Variants in GAS6 observed in about 807,000 individuals in gnomAD.
The protein encoded by GAS6 is growth arrest specific 6.
A neutral mutation model predicts 75.8 loss-of-function variants in GAS6; 41 were observed. That is an observed-to-expected ratio of 0.54 (90% CI 0.42 to 0.70). GAS6 has a LOEUF of 0.70. Among genes scored for constraint, GAS6 ranks in the 30% least tolerant of loss-of-function variants. The probability of loss-of-function intolerance (pLI) is 0.00; values close to 1 mark genes in which losing one functional copy is unlikely to be tolerated. For synonymous variants in GAS6, 432 were observed against 412.6 expected (o/e 1.05, Z -0.57); for missense variants, 854 against 940.2 (o/e 0.91, Z 1.20).
intron 4 of GAS6, chr13:113,842,989 TC>T (rs1349668506): frequency 1.0e-5 from 4 of 395,500 alleles, no homozygotes; most frequent in Non-Finnish European, 1.8e-5. Context: ...TTTGTTTATT[TC>T]CCTGTTGGGA....
intron 2 of GAS6, among the ~76,000 whole-genome samples, chr13:113,851,299 ATGAG>A (rs528931165): frequency 8.6e-5 from 13 of 151,560 alleles, no homozygotes; most frequent in South Asian, 2.1e-4. Flanking sequence ...GAGTGGGTGG[ATGAG>A]TGAGTGGCCA....
At chr13:113,828,091 G>A (rs560322670) in intron 11 of GAS6, among the ~76,000 whole-genome samples, 8 of 152,178 alleles carry the variant, frequency 5.3e-5, no homozygotes, top group East Asian at 1.9e-4. Context: ...GCGAAACCCC[G>A]TCTCTACTAA....
intron 2 of GAS6, among the ~76,000 whole-genome samples, chr13:113,850,004 G>C (rs886587460): frequency 2.6e-5 from 4 of 152,086 alleles, no homozygotes; most frequent in Admixed American, 2.6e-4. Flanking sequence ...AGAACATTCT[G>C]GTACACACTC....
chr13:113,835,715 C>G (rs1041324818), intron 6 of GAS6, 80 bp from the exon 7 acceptor site: 3 of 1,555,240 alleles, frequency 1.9e-6, no homozygotes, highest in Non-Finnish European at 2.6e-6. Flanking sequence ...CAGGGACTGG[C>G]CAGGGCACCA....
Position 113,863,747 on chromosome 13 carries a change from C to G in GAS6, c.89-6G>C, listed in dbSNP as rs1210519913. On this transcript the variant is annotated splice_polypyrimidine_tract_variant and splice_region_variant and intron_variant, in intron 1 of 14. Transcript: ENST00000327773. This position sits in a 1 kb window ranked among gnomAD's most constrained non-coding sequence, Gnocchi z 9.4. ...GCGCGCCGGCAACAGCGCGGCTGCC[C>G]GGAGGGAGAGAGGGGGACGCGTCAA... 10 of 1,487,342 alleles carry G rather than the reference C, an allele frequency of 6.7e-6. No homozygotes were observed. The highest frequency in any genetic ancestry group is 1.3e-5 in the South Asian group (1 of 79,318). 92.1% of individuals were successfully genotyped at this position (1,487,342 alleles called of 1,614,324 possible).
chr13:113,836,060 T>A (rs1220975291), intron 6 of GAS6: 1 of 995,976 alleles, frequency 1.0e-6, no homozygotes, highest in Non-Finnish European at 1.2e-6. Context: ...ACTACCGGGT[T>A]AAACCACAAT....
chr13:113,824,721 C>T (rs2051511985), intron 12 of GAS6, among the ~76,000 whole-genome samples: 3 of 151,994 alleles, frequency 2.0e-5, no homozygotes, highest in African/African-American at 7.3e-5. Context: ...GCTGTGTACG[C>T]CTGAAACCCA....
chr13:113,835,564 A>C lies in GAS6; in HGVS notation c.661T>G (p.Cys221Gly), dbSNP rs367722427. The C allele has an allele frequency of 6.2e-7, 1 of 1,612,468 alleles. No homozygotes were observed. The highest frequency in any genetic ancestry group is 1.3e-5 in the African/African-American group (1 of 74,910). Residue 221 changes from cysteine (C) to glycine (G), a missense_variant, in exon 7 of 15, where the codon TGC (cysteine) becomes GGC (glycine). By Grantham distance (159) the Cys-to-Gly change is radical. Transcript: ENST00000327773. ...TACGCAAAGCCCTCGTCACAGAGGC[A>C]GGAGTAGGAGCCGGGCAGGTTCTTG... ...RCKNLPGSYS[C>G]LCDEGFAYSS... is the part of the protein sequence containing the mutation.
rs1226954630 is a variant in GAS6, at chr13:113,848,721, G to A, written c.256-671C>T. On this transcript the variant is annotated intron_variant, in intron 2 of 14. Coordinates refer to ENST00000327773, the MANE Select transcript of GAS6 (RefSeq NM_000820.4). The surrounding 1 kb of genome is among the most constrained non-coding windows in gnomAD (Gnocchi z 4.8). ...CCATGCCAGCAGTTTGGCCCTAAAT[G>A]CTCTAAACCAAGAGACCACAGTCAT... is the stretch of plus-strand genomic sequence containing the variant. 6.6e-6 allele frequency among the ~76,000 whole-genome samples: 1 copy of A among 152,180 alleles called. No individual in the cohort carries two copies. Among genetic ancestry groups the A allele is most frequent in the Non-Finnish European group, 1.5e-5 (1 of 68,030 alleles).
intron 6 of GAS6, chr13:113,835,852 C>A (rs2051696428): frequency 7.4e-7 from 1 of 1,350,372 alleles, no homozygotes; most frequent in Non-Finnish European, 9.5e-7. Context: ...GCTGGGAAGG[C>A]TGACTTCAGC....
At chr13:113,861,364 G>A (rs979573806) in intron 2 of GAS6, among the ~76,000 whole-genome samples, 1 of 152,174 alleles carries the variant, frequency 6.6e-6, no homozygotes, top group African/African-American at 2.4e-5. Flanking sequence ...CAGGATCCTG[G>A]GCCTGGGGAG....
At chr13:113,859,528 G>A (rs1193889723) in intron 2 of GAS6, among the ~76,000 whole-genome samples, 2 of 151,854 alleles carry the variant, frequency 1.3e-5, no homozygotes, top group African/African-American at 4.8e-5. Flanking sequence ...GTTTATGTGT[G>A]TGCATGTCTG....
At chr13:113,830,340 C>A (rs746401284) in intron 10 of GAS6, among the ~76,000 whole-genome samples, 4 of 151,930 alleles carry the variant, frequency 2.6e-5, no homozygotes, top group Non-Finnish European at 4.4e-5. Context: ...AGTCACTGGG[C>A]GGGACTACAC....
Position 113,820,870 on chromosome 13 carries a change from T to C in GAS6, c.2031A>G (p.Ala677=). ...AHSCPPVEPA[A]A ...TGCCGCGTCCCGTGGGGGCCTAGGC[T>C]GCGGCGGGCTCCACGGGGGGGCAGG... Residue 677 remains alanine (A), a synonymous_variant, in exon 15 of 15, where the codon GCA becomes GCG. Coordinates refer to ENST00000327773, the MANE Select transcript of GAS6 (RefSeq NM_000820.4). The C allele has an allele frequency of 6.2e-7, 1 of 1,609,972 alleles. No homozygotes were observed. The highest frequency in any genetic ancestry group is 8.5e-7 in the Non-Finnish European group (1 of 1,179,548).
chr13:113,821,170 G>C (rs1318274409), intron 14 of GAS6, 152 bp from the exon 15 acceptor site: 1 of 794,730 alleles, frequency 1.3e-6, no homozygotes, highest in Admixed American at 2.6e-5. Flanking sequence ...GTCCCCGTTC[G>C]TTTGGCCGCA....
chr13:113,858,994 G>A (rs932801756), intron 2 of GAS6, among the ~76,000 whole-genome samples: 1 of 151,846 alleles, frequency 6.6e-6, no homozygotes, highest in Non-Finnish European at 1.5e-5. Flanking sequence ...ATGTGTGCAT[G>A]TATGTATACA....
chr13:113,821,915 C>T (rs2138608326), intron 14 of GAS6, 43 bp downstream of exon 14: 2 of 1,461,828 alleles, frequency 1.4e-6, no homozygotes, highest in African/African-American at 1.4e-5. Context: ...CTGGGCCTCC[C>T]TGGAGCTCTT....
In GAS6 at chr13:113,826,579, TGGCC is replaced by T. The variant is rs1566354807; in HGVS notation, c.1477+413_1477+416del. 6.0e-3 allele frequency among the ~76,000 whole-genome samples: 168 copies of T among 28,086 alleles called. 1 individual carries two copies. Among genetic ancestry groups the T allele is most frequent in the Non-Finnish European group, 6.3e-3 (102 of 16,284 alleles). 18.4% of individuals were successfully genotyped at this position (28,086 alleles called of 152,430 possible). On this transcript the variant is annotated intron_variant, in intron 12 of 14. Transcript: ENST00000327773. ...CCTTCTCTCCCCGGCCTCCCGGCGC[TGGCC>T]TCGCAGGCACCTTCTCTCCCCGGCC...
chr13:113,834,674 T>G lies in GAS6; in HGVS notation c.713-2A>C, dbSNP rs1391211579. 5 of 1,558,798 alleles carry G rather than the reference T, an allele frequency of 3.2e-6. No individual in the cohort carries two copies. The African/African-American group carries it at 6.8e-5, about 21-fold the overall frequency. On this transcript the variant is annotated splice_acceptor_variant, in intron 7 of 14. Transcript: ENST00000327773. LOFTEE classifies it high-confidence loss of function. Reference sequence around the variant, plus strand: ...GGCCCTGCAGACACTCGTCCACATCTGCCAGCCAGAGGGAAGCGGCGGTGA... The same window carrying G: ...GGCCCTGCAGACACTCGTCCACATCGGCCAGCCAGAGGGAAGCGGCGGTGA...
Sources: allele counts gnomAD v4.1 joint callset (sites outside exome capture counted in the v4.1 genomes callset), GRCh38; gene constraint gnomAD v4.1.1; non-coding constraint Gnocchi (gnomAD v3.1); transcripts MANE v1.5; gene names NCBI Gene and HGNC (gene_info 2026-07-23, HGNC 2026-07-21).